Variants in GOLGB1 observed in about 807,000 individuals in gnomAD.
The protein encoded by GOLGB1 is golgin B1.
GOLGB1 carries 174 observed loss-of-function variants against 336.9 expected under a neutral mutation model. That is an observed-to-expected ratio of 0.52 (90% CI 0.46 to 0.59). The LOEUF (loss-of-function observed/expected upper bound fraction) is 0.59, where lower values mean the gene tolerates loss of function less well. Among genes scored for constraint, GOLGB1 ranks in the 20% least tolerant of loss-of-function variants. The probability of loss-of-function intolerance (pLI) is 0.00; values close to 1 mark genes in which losing one functional copy is unlikely to be tolerated. For synonymous variants in GOLGB1, 1,208 were observed against 1,289.2 expected, an observed-to-expected ratio of 0.94 and a Z score of 1.35; for missense variants, 3,331 against 3,645.3, an observed-to-expected ratio of 0.91 and a Z score of 2.22.
chr3:121,697,222 G>A lies in GOLGB1; in HGVS notation c.3301C>T (p.Gln1101Ter). Residue 1101 changes from glutamine to a stop codon, truncating the protein, a stop_gained, in exon 13 of 22, where the codon CAG becomes TAG. Transcript: ENST00000614479. LOFTEE classifies it high-confidence loss of function. ...AEEQFQALVK[Q>*]MNQTLQDKTN... ...TTATCTTGCAAGGTCTGATTCATCT[G>A]TTTGACCAGAGCCTGGAATTGCTCT... 6.2e-7 allele frequency: 1 copy of A among 1,614,074 alleles called. No individual in the cohort carries two copies. The highest frequency in any genetic ancestry group is 8.5e-7 in the Non-Finnish European group (1 of 1,179,976).
rs920586755 is a variant in GOLGB1, at chr3:121,669,320, G to A, written c.9213C>T (p.Ser3071=). 9 of 1,613,842 alleles carry A rather than the reference G, an allele frequency of 5.6e-6. No individual in the cohort carries two copies. In the African/African-American group the frequency reaches 1.1e-4, roughly 19 times the overall value. ...TCTGACTGGTATCGCAGAGCTGAATGGAAAGGGTGTTTTTCTCTTCCAGTA... is the reference window on the plus strand; with the variant it reads ...TCTGACTGGTATCGCAGAGCTGAATAGAAAGGGTGTTTTTCTCTTCCAGTA... The part of the protein sequence containing the change: ...SQLLEEKNTL[S]IQLCDTSQSL... The change falls in exon 18 of 22, where the codon TCC becomes TCT. Residue 3071 remains serine, a synonymous_variant. Coordinates refer to ENST00000614479, the MANE Select transcript of GOLGB1 (RefSeq NM_001366282.2).
chr3:121,694,959 G>T lies in GOLGB1; in HGVS notation c.5564C>A (p.Ala1855Asp). The change falls in exon 13 of 22, where the codon GCT becomes GAT. Residue 1855 changes from alanine (A) to aspartate (D), a missense_variant. Ala to Asp is a moderately radical substitution (Grantham distance 126, BLOSUM62 -2). Transcript: ENST00000614479. ...TTTCTGCTTCTCCTCCTCTAATCCA[G>T]CAATTCTTTCTTTGAGCTGATCAAT... Reference protein sequence around the residue: ...QQIDQLKERIAGLEEEKQKNK... With the variant: ...QQIDQLKERIDGLEEEKQKNK... 1.2e-6 allele frequency: 2 copies of T among 1,614,018 alleles called. No individual in the cohort carries two copies. The highest frequency in any genetic ancestry group is 1.7e-6 in the Non-Finnish European group (2 of 1,179,984).
In GOLGB1 at chr3:121,694,966, T is replaced by C; in HGVS notation, c.5557A>G (p.Arg1853Gly). 1 of 1,614,190 alleles carries C rather than the reference T, an allele frequency of 6.2e-7. No homozygotes were observed. The highest frequency in any genetic ancestry group is 8.5e-7 in the Non-Finnish European group (1 of 1,180,020). The change falls in exon 13 of 22, where the codon AGA becomes GGA. Residue 1853 changes from arginine to glycine, a missense_variant. Coordinates refer to ENST00000614479, the MANE Select transcript of GOLGB1 (RefSeq NM_001366282.2). Reference sequence around the variant, plus strand: ...TTCTCCTCCTCTAATCCAGCAATTCTTTCTTTGAGCTGATCAATCTGCTGT... The same window carrying C: ...TTCTCCTCCTCTAATCCAGCAATTCCTTCTTTGAGCTGATCAATCTGCTGT... ...YLQQIDQLKE[R>G]IAGLEEEKQK...
chr3:121,697,471 C>G lies in GOLGB1; in HGVS notation c.3052G>C (p.Glu1018Gln). 1 of 1,611,470 alleles carries G rather than the reference C, an allele frequency of 6.2e-7. No homozygotes were observed. The highest frequency in any genetic ancestry group is 1.1e-5 in the South Asian group (1 of 90,412). The stretch of plus-strand genomic sequence containing the variant: ...TCTTTCAAGTTGGCTAATTCTTCTT[C>G]CAATCTACTGACTCTTTGCAGAAGC... ...KELLQRVSRL[E>Q]EELANLKDES... Residue 1018 changes from glutamate to glutamine, a missense_variant, in exon 13 of 22, where the codon GAA (glutamate) becomes CAA (glutamine). Glu to Gln is a conservative substitution (Grantham distance 29, BLOSUM62 2). Transcript: ENST00000614479.
intron 4 of GOLGB1, among the ~76,000 whole-genome samples, 155 bp from the exon 5 acceptor site, chr3:121,727,196 T>C (rs1945682364): frequency 6.7e-6 from 1 of 149,470 alleles, no homozygotes; most frequent in Non-Finnish European, 1.5e-5. Flanking sequence ...ATAAGAAATC[T>C]TAGGGTTGTC....
intron 7 of GOLGB1, 23 bp downstream of exon 7, chr3:121,719,623 T>C: frequency 6.3e-7 from 1 of 1,579,956 alleles, no homozygotes; most frequent in Non-Finnish European, 8.6e-7. Flanking sequence ...TGACAGTCAT[T>C]CTACCGAGTT....
chr3:121,670,531 C>T (rs1939356417), intron 17 of GOLGB1, among the ~76,000 whole-genome samples: 1 of 152,038 alleles, frequency 6.6e-6, no homozygotes, highest in Non-Finnish European at 1.5e-5. Context: ...TTGTGTTTGT[C>T]ATTCTGAAGA....
At position 121,692,381 on chromosome 3, in the gene GOLGB1, T is replaced by C. The variant is rs1396663646; in HGVS notation, c.6983A>G (p.Asp2328Gly). The C allele has an allele frequency of 6.2e-7, 1 of 1,610,414 alleles. No homozygotes were observed. The highest frequency in any genetic ancestry group is 8.5e-7 in the Non-Finnish European group (1 of 1,179,056). Reference protein sequence around the residue: ...ELKSLKDQLTDLSNSLEKCKE... With the variant: ...ELKSLKDQLTGLSNSLEKCKE... The stretch of plus-strand genomic sequence containing the variant: ...ACATTTTTCTAAAGAGTTACTTAAA[T>C]CAGTCAACTGGTCTTTGAGACTCTT... Residue 2328 changes from aspartate to glycine, a missense_variant, in exon 14 of 22, where the codon GAT (aspartate) becomes GGT (glycine). Transcript: ENST00000614479.
At chr3:121,706,983 C>T (rs998262692) in intron 10 of GOLGB1, among the ~76,000 whole-genome samples, 5 of 151,314 alleles carry the variant, frequency 3.3e-5, no homozygotes, top group African/African-American at 4.9e-5. Context: ...GAGGCCGAGG[C>T]GGGTGGATCA....
chr3:121,694,188 G>T lies in GOLGB1; in HGVS notation c.6335C>A (p.Ser2112Ter). 1 of 1,612,962 alleles carries T rather than the reference G, an allele frequency of 6.2e-7. No individual in the cohort carries two copies. Among genetic ancestry groups the T allele is most frequent in the South Asian group, 1.1e-5 (1 of 91,042 alleles). The change falls in exon 13 of 22, where the codon TCA (serine) becomes TAA (stop). Residue 2112 changes from serine to a stop codon, truncating the protein, a stop_gained. Transcript: ENST00000614479. LOFTEE classifies it high-confidence loss of function. Reference protein sequence around the residue: ...DNLKLKKELQSNKESVKSQMK... With the variant: ...DNLKLKKELQ ...CTGGCTTTTAACTGATTCTTTATTT[G>T]ACTGAAGTTCCTTTTTCAACTTGAG...
At chr3:121,718,351 C>T (rs747130899) in intron 8 of GOLGB1, 37 bp downstream of exon 8, 1 of 1,310,090 alleles carries the variant, frequency 7.6e-7, no homozygotes, top group South Asian at 1.2e-5. Context: ...GAAATGAATA[C>T]CCTCCAAGGC....
At chr3:121,683,815 AC>A (rs1453554484) in intron 14 of GOLGB1, among the ~76,000 whole-genome samples, 1 of 152,070 alleles carries the variant, frequency 6.6e-6, no homozygotes, top group African/African-American at 2.4e-5. Context: ...CAAAACTACC[AC>A]CATTAGCCTT....
At position 121,677,369 on chromosome 3, in the gene GOLGB1, C is replaced by T. The variant is rs943410058; in HGVS notation, c.8955G>A (p.Gln2985=). ...YLMAISDKDQ[Q]LSHLQNLIRE... is the part of the protein sequence containing the mutation. ...TTATAAGATTCTGCAGATGACTGAG[C>T]TGCTGATCTTTATCTGAGATAGCCA... The change falls in exon 16 of 22, where the codon CAG becomes CAA. Residue 2985 remains glutamine (Q), a synonymous_variant. Transcript: ENST00000614479. 6.2e-7 allele frequency: 1 copy of T among 1,605,884 alleles called. No homozygotes were observed.
intron 13 of GOLGB1, among the ~76,000 whole-genome samples, chr3:121,693,261 T>C (rs547469829): frequency 1.3e-5 from 2 of 152,130 alleles, no homozygotes; most frequent in African/African-American, 4.8e-5. Flanking sequence ...CCGAGGTGGG[T>C]GGATCACCTG....
intron 9 of GOLGB1, among the ~76,000 whole-genome samples, chr3:121,715,410 T>C (rs1031661330): frequency 6.9e-6 from 1 of 144,324 alleles, no homozygotes; most frequent in African/African-American, 2.6e-5. Context: ...AGAGATGGAG[T>C]TTCACCATGT....
intron 1 of GOLGB1, among the ~76,000 whole-genome samples, chr3:121,747,255 G>GTGTATATATATATGTATATATGTATATA (rs1401173806): frequency 2.9e-5 from 4 of 135,818 alleles, no homozygotes; most frequent in Non-Finnish European, 4.7e-5. Context: ...AAATCCATGT[G>GTGTATATATATATGTATATATGTATATA]TGTATATATA....
intron 6 of GOLGB1, among the ~76,000 whole-genome samples, chr3:121,721,215 G>C (rs1560293846): frequency 2.0e-5 from 3 of 151,868 alleles, no homozygotes; most frequent in Non-Finnish European, 4.4e-5. Flanking sequence ...CAACCACAGA[G>C]AGAAGGCACT....
In GOLGB1 at chr3:121,748,566, C is replaced by T. The variant is rs553153134; in HGVS notation, c.-3+1066G>A. Among the ~76,000 whole-genome samples, 9 of 152,316 alleles carry T rather than the reference C, an allele frequency of 5.9e-5. No individual in the cohort carries two copies. The South Asian group carries it at 1.9e-3, about 32-fold the overall frequency. On this transcript the variant is annotated intron_variant, in intron 1 of 21. Coordinates refer to ENST00000614479, the MANE Select transcript of GOLGB1 (RefSeq NM_001366282.2). ...TCTTCAACTTTTTCCTGCATCTATT[C>T]CAAAACCAAATCCTGCCATTTTTCC... is the stretch of plus-strand genomic sequence containing the variant.
At chr3:121,682,072 A>AC (rs1343893739) in intron 14 of GOLGB1, among the ~76,000 whole-genome samples, 3 of 152,224 alleles carry the variant, frequency 2.0e-5, no homozygotes, top group Non-Finnish European at 4.4e-5. Flanking sequence ...TGGAGCTGCC[A>AC]TCAAGGCTAC....
Sources: gnomAD v4.1 joint callset for allele counts (sites outside exome capture counted in the v4.1 genomes callset) on GRCh38, gnomAD v4.1.1 for gene constraint, MANE v1.5 for transcripts, NCBI Gene and HGNC (gene_info 2026-07-23, HGNC 2026-07-21) for gene names.